CNTN1: variants seen among roughly 807,000 people sequenced by gnomAD.
CNTN1 encodes the protein contactin 1.
Under a neutral mutation model 126.4 loss-of-function variants are expected in CNTN1, and 38 were observed. That is an observed-to-expected ratio of 0.30 (90% confidence interval 0.23 to 0.39). The LOEUF (loss-of-function observed/expected upper bound fraction) is 0.39. Among genes scored for constraint, CNTN1 ranks in the 10% least tolerant of loss-of-function variants. The probability of loss-of-function intolerance (pLI) is 1.00; values close to 1 mark genes in which losing one functional copy is unlikely to be tolerated. For missense variants in CNTN1, 1,009 were observed against 1,248.4 expected, an observed-to-expected ratio of 0.81 and a Z score of 2.89; for synonymous variants, 413 against 422.6, an observed-to-expected ratio of 0.98 and a Z score of 0.28.
At chr12:40,996,239 C>G (rs942946665) in intron 17 of CNTN1, among the ~76,000 whole-genome samples, 12 of 151,980 alleles carry the variant, frequency 7.9e-5, no homozygotes, top group African/African-American at 2.9e-4. Flanking sequence ...TCAAGCTACC[C>G]TACTGCCTCA....
At chr12:41,041,601 T>C (rs1315495755) in intron 23 of CNTN1, among the ~76,000 whole-genome samples, 2 of 152,190 alleles carry the variant, frequency 1.3e-5, no homozygotes, top group African/African-American at 2.4e-5. Context: ...GAGCCTGTTA[T>C]TGGTCTATTC....
intron 1 of CNTN1, among the ~76,000 whole-genome samples, chr12:40,821,276 A>C (rs939343307): frequency 3.5e-4 from 54 of 152,158 alleles, no homozygotes; most frequent in Non-Finnish European, 6.3e-4. Flanking sequence ...CAGGTATCCA[A>C]AGCTATTTGG....
chr12:40,966,036 A>ACACACG (rs1379183927), intron 15 of CNTN1, among the ~76,000 whole-genome samples: 61 of 149,310 alleles, frequency 4.1e-4, no homozygotes, highest in Non-Finnish European at 8.5e-4. Flanking sequence ...ACACACACAC[A>ACACACG]CACGCACGCA....
At position 40,760,130 on chromosome 12, in the gene CNTN1, C is replaced by T. The variant is rs1938797206; in HGVS notation, c.-77+67538C>T. Among the ~76,000 whole-genome samples, 4 of 152,152 alleles carry T rather than the reference C, an allele frequency of 2.6e-5. No homozygotes were observed. The South Asian group carries it at 8.3e-4, about 32-fold the overall frequency. ...TGGGTGCCAGGGGATTTTATTGCTACCAAGCTGGGTTTGTTTTGGTTTTTT... is the reference window on the plus strand; with the variant it reads ...TGGGTGCCAGGGGATTTTATTGCTATCAAGCTGGGTTTGTTTTGGTTTTTT... On this transcript the variant is annotated intron_variant, in intron 1 of 23. Transcript: ENST00000551295.
At chr12:40,939,191 T>C in intron 11 of CNTN1, 144 bp from the exon 12 acceptor site, 1 of 786,030 alleles carries the variant, frequency 1.3e-6, no homozygotes, top group South Asian at 1.7e-5. Context: ...AGGTATAGAA[T>C]GCCTATTGGT....
At chr12:40,778,764 C>G (rs536565226) in intron 1 of CNTN1, among the ~76,000 whole-genome samples, 1 of 151,752 alleles carries the variant, frequency 6.6e-6, no homozygotes, top group African/African-American at 2.4e-5. Flanking sequence ...AAAATATTTC[C>G]TATAAGAAAT....
intron 15 of CNTN1, among the ~76,000 whole-genome samples, chr12:40,969,241 T>C (rs934518470): frequency 3.9e-5 from 6 of 152,134 alleles, no homozygotes; most frequent in African/African-American, 1.4e-4. Context: ...TTTCTGGAAA[T>C]TTAATTTGGT....
chr12:41,072,066 G>T lies in CNTN1; in HGVS notation c.*2031G>T, dbSNP rs937218503. On this transcript the variant is annotated 3_prime_UTR_variant, in exon 24 of 24. Transcript: ENST00000551295. Reference sequence around the variant, plus strand: ...TTGAATTTCTGACAGAGATAAAGTAGTTTAAAATCTCTCGTACACTGATAA... The same window carrying T: ...TTGAATTTCTGACAGAGATAAAGTATTTTAAAATCTCTCGTACACTGATAA... The T allele has an allele frequency of 6.6e-6, 1 of 152,174 alleles. No homozygotes were observed. The highest frequency in any genetic ancestry group is 1.9e-4 in the East Asian group (1 of 5,194). The allele number at this position is 152,174 out of a possible 1,614,324, so 9.4% of individuals were successfully genotyped here.
In CNTN1 at chr12:41,033,813, C is replaced by T. The variant is rs147418393; in HGVS notation, c.2980+4594C>T. Among the ~76,000 whole-genome samples, 933 of 149,864 alleles carry T rather than the reference C, an allele frequency of 6.2e-3. 12 individuals carry two copies. The highest frequency in any genetic ancestry group is 0.021 in the African/African-American group (852 of 40,614). ...CAGCACTTTGGGAGGCCGAGGCAAGCGGATCGCGAGGTCAGGAGATTGAGA... is the reference window on the plus strand; with the variant it reads ...CAGCACTTTGGGAGGCCGAGGCAAGTGGATCGCGAGGTCAGGAGATTGAGA... On this transcript the variant is annotated intron_variant, in intron 23 of 23. Coordinates refer to ENST00000551295, the MANE Select transcript of CNTN1 (RefSeq NM_001843.4).
At chr12:40,864,173 C>T (rs1025876042) in intron 1 of CNTN1, among the ~76,000 whole-genome samples, 21 of 151,398 alleles carry the variant, frequency 1.4e-4, no homozygotes, top group South Asian at 6.3e-4. Flanking sequence ...CCCGCCACCA[C>T]GCCCAGCTAA....
intron 17 of CNTN1, among the ~76,000 whole-genome samples, chr12:40,996,709 A>C (rs1449479928): frequency 6.6e-6 from 1 of 152,214 alleles, no homozygotes; most frequent in Non-Finnish European, 1.5e-5. Context: ...AATTTTCAAT[A>C]ATCTTTTAAA....
intron 1 of CNTN1, among the ~76,000 whole-genome samples, chr12:40,750,572 G>A (rs1938368792): frequency 6.6e-6 from 1 of 152,034 alleles, no homozygotes; most frequent in African/African-American, 2.4e-5. Context: ...GGAGGCTGAG[G>A]CCAGAGGATC....
intron 23 of CNTN1, among the ~76,000 whole-genome samples, chr12:41,050,146 T>C (rs944287595): frequency 1.3e-4 from 20 of 152,126 alleles, no homozygotes; most frequent in African/African-American, 4.6e-4. Context: ...GTGATCCGCC[T>C]GCCTCGGCCT....
intron 1 of CNTN1, among the ~76,000 whole-genome samples, chr12:40,841,004 T>C (rs559221629): frequency 1.3e-5 from 2 of 151,404 alleles, no homozygotes; most frequent in Non-Finnish European, 3.0e-5. Context: ...AAAGGATCAG[T>C]AAAACAAAAA....
intron 1 of CNTN1, among the ~76,000 whole-genome samples, chr12:40,882,452 G>T (rs1349501175): frequency 6.6e-6 from 1 of 151,646 alleles, no homozygotes; most frequent in African/African-American, 2.4e-5. Context: ...ATGATATATT[G>T]TCCCAGATTG....
intron 17 of CNTN1, among the ~76,000 whole-genome samples, chr12:41,008,733 A>T (rs1455050579): frequency 6.6e-6 from 1 of 152,194 alleles, no homozygotes; most frequent in South Asian, 2.1e-4. Flanking sequence ...TGACATGCTT[A>T]AACCTTCTGA....
Position 41,062,785 on chromosome 12 carries a change from T to C in CNTN1, c.2981-7174T>C, listed in dbSNP as rs140846129. 5.1e-3 allele frequency among the ~76,000 whole-genome samples: 778 copies of C among 152,312 alleles called. 2 individuals carry two copies. The highest frequency in any genetic ancestry group is 0.044 in the Middle Eastern group (13 of 294). On this transcript the variant is annotated intron_variant, in intron 23 of 23. Transcript: ENST00000551295. The stretch of plus-strand genomic sequence containing the variant: ...GATTTCAGTGTCTCAAAGTAAAACA[T>C]ACCTCTTCTTCTTTTAATGTTTGTT...
In CNTN1 at chr12:41,053,428, AATATATATATATATATAT is replaced by A. The variant is rs66808071; in HGVS notation, c.2981-16508_2981-16491del. Reference sequence around the variant, plus strand: ...TTTTGTCTCTTTCATGTTTTCACTAAATATATATATATATATATATATATATATATATATATATATTTG... The same window carrying A: ...TTTTGTCTCTTTCATGTTTTCACTAAATATATATATATATATATATATTTG... On this transcript the variant is annotated intron_variant, in intron 23 of 23. Transcript: ENST00000551295. 8.0e-4 allele frequency among the ~76,000 whole-genome samples: 51 copies of A among 64,112 alleles called. 1 individual carries two copies. The highest frequency in any genetic ancestry group is 0.013 in the Middle Eastern group (1 of 80). 42.1% of individuals were successfully genotyped at this position (64,112 alleles called of 152,430 possible).
chr12:40,856,300 TAGAA>T lies in CNTN1; in HGVS notation c.-76-52049_-76-52046del, dbSNP rs1942905458. On this transcript the variant is annotated intron_variant, in intron 1 of 23. Transcript: ENST00000551295. Reference sequence around the variant, plus strand: ...ACAGTAGAAAAAAGTGGAAAGACATTAGAAAGAAAGAGAAATATAAGGTGAAAAA... The same window carrying T: ...ACAGTAGAAAAAAGTGGAAAGACATTAGAAAGAGAAATATAAGGTGAAAAA... 3.3e-5 allele frequency among the ~76,000 whole-genome samples: 5 copies of T among 151,970 alleles called. No homozygotes were observed. In the South Asian group the frequency reaches 1.0e-3, roughly 32 times the overall value.
Sources: allele counts gnomAD v4.1 joint callset (sites outside exome capture counted in the v4.1 genomes callset), GRCh38; gene constraint gnomAD v4.1.1; transcripts MANE v1.5; gene names NCBI Gene and HGNC (gene_info 2026-07-23, HGNC 2026-07-21).